The following OTOGL variants were observed in gnomAD, a reference collection of about 807,000 sequenced individuals.
OTOGL encodes the protein otogelin-like protein.
Under a neutral mutation model 318.5 loss-of-function variants are expected in OTOGL, and 285 were observed. The ratio of observed to expected loss-of-function variants is 0.89; its 90% CI spans 0.81 to 0.99. The LOEUF is 0.99. Among genes scored for constraint, OTOGL ranks in the 50% least tolerant of loss-of-function variants. The pLI is 0.00. For missense variants in OTOGL, 2,899 were observed against 2,845.6 expected (o/e 1.02, Z -0.43); for synonymous variants, 987 against 936.5 (o/e 1.05, Z -0.99).
In OTOGL at chr12:80,339,154, T is replaced by C. The variant is rs563864079; in HGVS notation, c.4940T>C (p.Val1647Ala). Residue 1647 changes from valine (V) to alanine (A), a missense_variant, in exon 43 of 59, where the codon GTA becomes GCA. Val to Ala is a moderately conservative substitution (Grantham distance 64). Transcript: ENST00000547103. ...LSIEDSGSMY[V>A]ITTPAGLIIK... Reference sequence around the variant, plus strand: ...ATAGAGGATTCTGGTTCAATGTATGTAATTACTACTCCAGCTGGACTAATC... The same window carrying C: ...ATAGAGGATTCTGGTTCAATGTATGCAATTACTACTCCAGCTGGACTAATC... 24 of 1,610,812 alleles carry C rather than the reference T, an allele frequency of 1.5e-5. 1 individual carries two copies. In the Admixed American group the frequency reaches 1.5e-4, roughly 10 times the overall value.
At chr12:80,293,980 C>T (rs1476012066) in intron 26 of OTOGL, among the ~76,000 whole-genome samples, 1 of 151,986 alleles carries the variant, frequency 6.6e-6, no homozygotes, top group Non-Finnish European at 1.5e-5. Flanking sequence ...TATATACTTC[C>T]TTGAAAGGTG....
At chr12:80,261,522 G>GA (rs1882524095) in intron 18 of OTOGL, among the ~76,000 whole-genome samples, 1 of 151,874 alleles carries the variant, frequency 6.6e-6, no homozygotes. Flanking sequence ...TCTTTACTTT[G>GA]AAAAAAATCA....
chr12:80,197,286 C>T (rs1004879443), intron 1 of OTOGL, among the ~76,000 whole-genome samples: 11 of 152,196 alleles, frequency 7.2e-5, no homozygotes, highest in Admixed American at 3.9e-4. Context: ...ACCTTGTGTA[C>T]CTGTTCTCAG....
intron 19 of OTOGL, among the ~76,000 whole-genome samples, chr12:80,264,342 C>T (rs1882783255): frequency 6.6e-6 from 1 of 152,126 alleles, no homozygotes; most frequent in Non-Finnish European, 1.5e-5. Context: ...TCCTCCCCTC[C>T]CCAGGTGATT....
chr12:80,378,127 G>A lies in OTOGL; in HGVS notation c.*79G>A. ...TTTTATTGCTATTACTTAGGCATGT[G>A]GCAGATTTATGCTGTTTAACAATAC... is the stretch of plus-strand genomic sequence containing the variant. On this transcript the variant is annotated 3_prime_UTR_variant, in exon 59 of 59. Transcript: ENST00000547103. The A allele has an allele frequency of 9.0e-7, 1 of 1,108,770 alleles. No homozygotes were observed. Among genetic ancestry groups the A allele is most frequent in the Admixed American group, 2.5e-5 (1 of 39,262 alleles). 68.7% of individuals were successfully genotyped at this position (1,108,770 alleles called of 1,614,324 possible).
intron 36 of OTOGL, 70 bp from the exon 37 acceptor site, chr12:80,328,981 C>T: frequency 7.3e-7 from 1 of 1,367,052 alleles, no homozygotes; most frequent in Non-Finnish European, 1.0e-6. Flanking sequence ...CTAAAGAGTC[C>T]TCTATGAAAT....
rs1451101 is a variant in OTOGL at position 80,332,928 on chromosome 12, A to C, written c.4349-77A>C. 0.16 allele frequency: 187,969 copies of C among 1,202,152 alleles called. 15,245 individuals are homozygous for C. Among genetic ancestry groups the C allele is most frequent in the Middle Eastern group, 0.25 (1,150 of 4,524 alleles). 74.5% of individuals were successfully genotyped at this position (1,202,152 alleles called of 1,614,324 possible). A position where few individuals can be genotyped will look rare whatever the true frequency, so the allele number is the denominator to read the frequency against. On this transcript the variant is annotated intron_variant, in intron 37 of 58. Coordinates refer to ENST00000547103, the MANE Select transcript of OTOGL (RefSeq NM_001378609.3). ...AATAATCTATACAAAATTTCTTAGCACAGTTTCTGTCACATATCAATTCCA... is the reference window on the plus strand; with the variant it reads ...AATAATCTATACAAAATTTCTTAGCCCAGTTTCTGTCACATATCAATTCCA...
chr12:80,310,405 T>G (rs1886553307), intron 29 of OTOGL, among the ~76,000 whole-genome samples: 1 of 152,254 alleles, frequency 6.6e-6, no homozygotes, highest in African/African-American at 2.4e-5. Context: ...AATATTGCTA[T>G]GATTTTAATA....
At chr12:80,273,138 C>T (rs746422033) in intron 24 of OTOGL, among the ~76,000 whole-genome samples, 59 of 152,166 alleles carry the variant, frequency 3.9e-4, no homozygotes, top group Non-Finnish European at 6.5e-4. Flanking sequence ...CATTACAAAA[C>T]GTTAAGGAGA....
chr12:80,378,399 C>A lies in OTOGL; in HGVS notation c.*351C>A, dbSNP rs1189650844. On this transcript the variant is annotated 3_prime_UTR_variant, in exon 59 of 59. Transcript: ENST00000547103. ...CAGTAGCTCTTTTTTTCTTAATTTG[C>A]AAAGTCTGCTATAGCTATCCAAATT... is the stretch of plus-strand genomic sequence containing the variant. The A allele has an allele frequency of 2.6e-5, 5 of 194,758 alleles. No homozygotes were observed. Among genetic ancestry groups the A allele is most frequent in the Non-Finnish European group, 5.4e-5 (5 of 93,442 alleles). The allele number at this position is 194,758 out of a possible 1,614,324, so 12.1% of individuals were successfully genotyped here. A position where few individuals can be genotyped will look rare whatever the true frequency, so the allele number is the denominator to read the frequency against.
intron 1 of OTOGL, among the ~76,000 whole-genome samples, chr12:80,169,423 C>T (rs1290480865): frequency 1.3e-5 from 2 of 152,312 alleles, no homozygotes; most frequent in African/African-American, 4.8e-5. Context: ...GATTGTGTCA[C>T]ATCCTGCTCA....
intron 26 of OTOGL, among the ~76,000 whole-genome samples, chr12:80,288,885 T>C (rs1343005872): frequency 6.6e-6 from 1 of 152,168 alleles, no homozygotes; most frequent in Non-Finnish European, 1.5e-5. Context: ...ACCCACTTCC[T>C]GAAGCCTACT....
At chr12:80,367,391 AT>A (rs1212553562) in intron 53 of OTOGL, among the ~76,000 whole-genome samples, 169 bp from the exon 54 acceptor site, 6 of 152,106 alleles carry the variant, frequency 3.9e-5, no homozygotes, top group African/African-American at 1.4e-4. Flanking sequence ...AGTGTACTAC[AT>A]TTTTAAGTAA....
intron 1 of OTOGL, among the ~76,000 whole-genome samples, chr12:80,154,522 C>T (rs1872997250): frequency 6.6e-6 from 1 of 152,086 alleles, no homozygotes; most frequent in African/African-American, 2.4e-5. Context: ...CTCCCCTTTG[C>T]ACTCCCTCTT....
chr12:80,338,422 C>T (rs531229067), intron 42 of OTOGL, among the ~76,000 whole-genome samples: 1 of 152,088 alleles, frequency 6.6e-6, no homozygotes, highest in African/African-American at 2.4e-5. Flanking sequence ...TGAGGCATAA[C>T]TTCGAGAAAT....
chr12:80,320,736 A>C (rs1417759429), intron 34 of OTOGL, 36 bp downstream of exon 34: 4 of 1,507,504 alleles, frequency 2.7e-6, no homozygotes, highest in African/African-American at 2.8e-5. Context: ...GAGAACAAAT[A>C]GGTAATTTAT....
At chr12:80,193,218 T>A (rs950179795) in intron 1 of OTOGL, among the ~76,000 whole-genome samples, 3 of 152,120 alleles carry the variant, frequency 2.0e-5, no homozygotes, top group Admixed American at 1.3e-4. Flanking sequence ...AACCTTATTC[T>A]TAAGAATAAG....
At position 80,278,148 on chromosome 12, in the gene OTOGL, T is replaced by G. The variant is rs1375690942; in HGVS notation, c.2682-20T>G. On this transcript the variant is annotated intron_variant, in intron 24 of 58. Coordinates refer to ENST00000547103, the MANE Select transcript of OTOGL (RefSeq NM_001378609.3). Reference sequence around the variant, plus strand: ...AAACTGTAGTTCATACTAAATAGCATTTTATTCTTCATTTGGAAGAATGGC... The same window carrying G: ...AAACTGTAGTTCATACTAAATAGCAGTTTATTCTTCATTTGGAAGAATGGC... 1.3e-6 allele frequency: 2 copies of G among 1,517,008 alleles called. No homozygotes were observed. Among genetic ancestry groups the G allele is most frequent in the Non-Finnish European group, 1.8e-6 (2 of 1,117,706 alleles). 94.0% of individuals were successfully genotyped at this position (1,517,008 alleles called of 1,614,324 possible).
At chr12:80,223,699 T>C (rs909775019) in intron 7 of OTOGL, among the ~76,000 whole-genome samples, 2 of 152,138 alleles carry the variant, frequency 1.3e-5, no homozygotes, top group Non-Finnish European at 2.9e-5. Context: ...GATAATTTTT[T>C]CATGTTTGTT....
Sources: allele counts gnomAD v4.1 joint callset (sites outside exome capture counted in the v4.1 genomes callset), GRCh38; gene constraint gnomAD v4.1.1; transcripts MANE v1.5; gene names NCBI Gene and HGNC (gene_info 2026-07-23, HGNC 2026-07-21).